The following ABCB5 variants were observed in gnomAD, a reference collection of about 807,000 sequenced individuals.
The protein encoded by ABCB5 is ATP-binding cassette sub-family B member 5.
ABCB5 carries 155 observed loss-of-function variants against 144.2 expected under a neutral mutation model. That is an observed-to-expected ratio of 1.08 (90% CI 0.94 to 1.23). ABCB5 has a LOEUF of 1.23. ABCB5 is among the 50% of genes most tolerant of loss of function. The pLI is 0.00. For missense variants in ABCB5, 1,830 were observed against 1,520.8 expected, an observed-to-expected ratio of 1.20 and a Z score of -3.38; for synonymous variants, 610 against 528.6, an observed-to-expected ratio of 1.15 and a Z score of -2.11.
intron 14 of ABCB5, among the ~76,000 whole-genome samples, chr7:20,663,628 A>T (rs1285994075): frequency 6.6e-6 from 1 of 151,942 alleles, no homozygotes; most frequent in Non-Finnish European, 1.5e-5. Flanking sequence ...TACAATTTGA[A>T]TATGAGATGA....
chr7:20,625,057 C>T (rs1444503766), intron 2 of ABCB5, among the ~76,000 whole-genome samples: 1 of 152,180 alleles, frequency 6.6e-6, no homozygotes, highest in Non-Finnish European at 1.5e-5. Context: ...TTCCCTGAAA[C>T]AACTTTTATC....
chr7:20,630,346 T>G (rs1306805728), intron 4 of ABCB5, among the ~76,000 whole-genome samples: 1 of 151,958 alleles, frequency 6.6e-6, no homozygotes, highest in Admixed American at 6.6e-5. Context: ...TTCTAATTTA[T>G]ACCTAAATTA....
At chr7:20,672,153 G>A (rs114740566) in intron 14 of ABCB5, among the ~76,000 whole-genome samples, 1,749 of 152,096 alleles carry the variant, frequency 0.011, 24 homozygotes, top group South Asian at 0.045. Context: ...TTTATACTGA[G>A]TTGTTTGTTT....
At chr7:20,728,913 T>A (rs1479146992) in intron 23 of ABCB5, among the ~76,000 whole-genome samples, 3 of 152,316 alleles carry the variant, frequency 2.0e-5, no homozygotes, top group East Asian at 1.9e-4. Flanking sequence ...GGAATTTTTT[T>A]AAATATACAC....
intron 26 of ABCB5, among the ~76,000 whole-genome samples, chr7:20,747,151 C>A (rs1782749170): frequency 6.6e-6 from 1 of 152,198 alleles, no homozygotes; most frequent in African/African-American, 2.4e-5. Flanking sequence ...TGGCAACTTC[C>A]TTTTTAACCA....
intron 23 of ABCB5, among the ~76,000 whole-genome samples, chr7:20,730,607 T>C (rs1285994521): frequency 6.6e-6 from 1 of 152,240 alleles, no homozygotes; most frequent in Non-Finnish European, 1.5e-5. Context: ...TGTGAATTTA[T>C]AAACCACAAT....
chr7:20,731,123 G>A (rs1488289426), intron 23 of ABCB5, among the ~76,000 whole-genome samples: 2 of 151,960 alleles, frequency 1.3e-5, no homozygotes, highest in African/African-American at 2.4e-5. Context: ...GGGAGGCAGA[G>A]GTGGGTGGAT....
At position 20,647,608 on chromosome 7, in the gene ABCB5, C is replaced by G. The variant is rs750495835; in HGVS notation, c.1055C>G (p.Ala352Gly). The change falls in exon 10 of 28, where the codon GCC becomes GGC. Residue 352 changes from alanine to glycine, a missense_variant. Transcript: ENST00000404938. ...AVPHFETFAIARGAAFHIFQV... is the reference protein window; with the variant it reads ...AVPHFETFAIGRGAAFHIFQV... ...CCTCACTTTGAAACCTTCGCAATAG[C>G]CCGAGGAGCTGCCTTTCATATTTTC... is the stretch of plus-strand genomic sequence containing the variant. The G allele has an allele frequency of 6.3e-7, 1 of 1,585,166 alleles. No individual in the cohort carries two copies. The highest frequency in any genetic ancestry group is 1.2e-5 in the South Asian group (1 of 86,636).
chr7:20,715,279 C>T (rs552157298), intron 20 of ABCB5, among the ~76,000 whole-genome samples: 1 of 152,294 alleles, frequency 6.6e-6, no homozygotes, highest in South Asian at 2.1e-4. Flanking sequence ...CTCCTGACCT[C>T]AGGTGATCCA....
intron 19 of ABCB5, among the ~76,000 whole-genome samples, 161 bp from the exon 20 acceptor site, chr7:20,704,563 A>G (rs1326646345): frequency 1.3e-5 from 2 of 152,152 alleles, no homozygotes; most frequent in East Asian, 3.8e-4. Context: ...GATCTTCATG[A>G]AAAAATAAGC....
chr7:20,698,415 T>A lies in ABCB5; in HGVS notation c.2019T>A (p.Leu673=). 1 of 1,575,004 alleles carries A rather than the reference T, an allele frequency of 6.3e-7. No individual in the cohort carries two copies. The highest frequency in any genetic ancestry group is 8.6e-7 in the Non-Finnish European group (1 of 1,167,796). The part of the protein sequence containing the change: ...EESTQSKEIS[L]PEVSLLKILK... The stretch of plus-strand genomic sequence containing the variant: ...ACATATTTTATTTTTAGATAAGTCT[T>A]CCTGAAGTCTCTCTATTAAAAATTT... Residue 673 remains leucine (L), a synonymous_variant, in exon 17 of 28, where the codon CTT becomes CTA. Transcript: ENST00000404938.
chr7:20,716,794 C>G (rs972212564), intron 20 of ABCB5, among the ~76,000 whole-genome samples: 1 of 152,158 alleles, frequency 6.6e-6, no homozygotes, highest in African/African-American at 2.4e-5. Context: ...ACTGGACAAT[C>G]TAGGAGTTCA....
At chr7:20,646,666 T>C (rs1371015553) in intron 9 of ABCB5, among the ~76,000 whole-genome samples, 1 of 152,238 alleles carries the variant, frequency 6.6e-6, no homozygotes, top group Non-Finnish European at 1.5e-5. Flanking sequence ...TGTTAAATAA[T>C]AATTTATTCA....
chr7:20,737,719 C>T (rs764776109), intron 23 of ABCB5, among the ~76,000 whole-genome samples: 1 of 151,832 alleles, frequency 6.6e-6, no homozygotes, highest in Non-Finnish European at 1.5e-5. Flanking sequence ...TTAAGTCTGA[C>T]AGTCTGATTT....
chr7:20,724,909 T>C (rs1381402477), intron 21 of ABCB5, among the ~76,000 whole-genome samples: 1 of 152,178 alleles, frequency 6.6e-6, no homozygotes, highest in Admixed American at 6.5e-5. Context: ...TTGTGCTGTA[T>C]AGTCTGAACT....
At chr7:20,673,592 T>C (rs1785517572) in intron 14 of ABCB5, among the ~76,000 whole-genome samples, 1 of 152,058 alleles carries the variant, frequency 6.6e-6, no homozygotes, top group African/African-American at 2.4e-5. Context: ...ATTTTTCTTT[T>C]ACTCTGTGTT....
At chr7:20,736,360 G>C (rs1366179453) in intron 23 of ABCB5, among the ~76,000 whole-genome samples, 1 of 152,162 alleles carries the variant, frequency 6.6e-6, no homozygotes, top group Non-Finnish European at 1.5e-5. Flanking sequence ...TAGCATTACA[G>C]GTGTGTGCCA....
Position 20,675,612 on chromosome 7 carries a change from G to A in ABCB5, c.1708-5893G>A, listed in dbSNP as rs116758666. Among the ~76,000 whole-genome samples the A allele has an allele frequency of 2.7e-3, 404 of 151,880 alleles. 2 individuals are homozygous for A. The highest frequency in any genetic ancestry group is 9.1e-3 in the African/African-American group (378 of 41,478). On this transcript the variant is annotated intron_variant, in intron 14 of 27. Transcript: ENST00000404938. ...ACATTAAGTTTGACAATTATTTCTCGGATATGATGCCAAAAACACAAACAA... is the reference window on the plus strand; with the variant it reads ...ACATTAAGTTTGACAATTATTTCTCAGATATGATGCCAAAAACACAAACAA...
chr7:20,749,388 C>A (rs1363598177), intron 26 of ABCB5, among the ~76,000 whole-genome samples: 4 of 143,954 alleles, frequency 2.8e-5, no homozygotes, highest in Non-Finnish European at 6.0e-5. Context: ...CCACCTATGC[C>A]TGCCTAATTT....
Sources: allele counts gnomAD v4.1 joint callset (sites outside exome capture counted in the v4.1 genomes callset), GRCh38; gene constraint gnomAD v4.1.1; transcripts MANE v1.5; gene names NCBI Gene and HGNC (gene_info 2026-07-23, HGNC 2026-07-21).